Variants in IMMP1L observed in about 807,000 individuals in gnomAD.
IMMP1L encodes mitochondrial inner membrane protease subunit 1.
Under a neutral mutation model 21.8 loss-of-function variants are expected in IMMP1L, and 24 were observed. The observed-to-expected ratio is 1.10, with a 90% CI of 0.80 to 1.55. The LOEUF is 1.55. Ranked by LOEUF, IMMP1L falls within the 40% of genes most tolerant of loss-of-function variation. IMMP1L has a pLI of 0.00. For missense variants in IMMP1L, 195 were observed against 200.7 expected, an observed-to-expected ratio of 0.97 and a Z score of 0.17; for synonymous variants, 46 against 62.8, an observed-to-expected ratio of 0.73 and a Z score of 1.26.
chr11:31,493,240 G>T (rs2133798173), intron 1 of IMMP1L, among the ~76,000 whole-genome samples: 1 of 152,248 alleles, frequency 6.6e-6, no homozygotes, highest in East Asian at 1.9e-4. Flanking sequence ...CAGTTTTGCA[G>T]GGCTGGGGAG....
intron 1 of IMMP1L, among the ~76,000 whole-genome samples, chr11:31,493,398 C>T (rs1198121753): frequency 6.6e-6 from 1 of 152,116 alleles, no homozygotes; most frequent in African/African-American, 2.4e-5. Context: ...ATCACTAGAA[C>T]AGTATGGGGG....
chr11:31,478,942 A>G (rs917762763), intron 1 of IMMP1L, among the ~76,000 whole-genome samples: 1 of 152,076 alleles, frequency 6.6e-6, no homozygotes, highest in African/African-American at 2.4e-5. Flanking sequence ...TTAAATATGT[A>G]CAGAACATTT....
rs1955930203 is a variant in IMMP1L, at chr11:31,509,578, T to C, written c.-89A>G. ...AGGACACAGGTGGGCCTTTCTCACCTGGGCCCCGCCGAAGTCGACCGTCCT... is the reference window on the plus strand; with the variant it reads ...AGGACACAGGTGGGCCTTTCTCACCCGGGCCCCGCCGAAGTCGACCGTCCT... On this transcript the variant is annotated 5_prime_UTR_variant, in exon 1 of 6. Coordinates refer to ENST00000532287, the MANE Select transcript of IMMP1L (RefSeq NM_001304274.2). The C allele has an allele frequency of 3.3e-6, 2 of 603,336 alleles. No homozygotes were observed. The highest frequency in any genetic ancestry group is 2.0e-5 in the South Asian group (1 of 50,254). 37.4% of individuals were successfully genotyped at this position (603,336 alleles called of 1,614,324 possible). A position where few individuals can be genotyped will look rare whatever the true frequency, so the allele number is the denominator to read the frequency against.
At chr11:31,448,892 T>G (rs1198119491) in intron 4 of IMMP1L, 2 of 968,418 alleles carry the variant, frequency 2.1e-6, no homozygotes, top group Non-Finnish European at 2.5e-6. Context: ...AAACAATGAG[T>G]GAAATTTATC....
intron 4 of IMMP1L, chr11:31,452,622 T>G: frequency 2.0e-6 from 2 of 985,936 alleles, no homozygotes; most frequent in Non-Finnish European, 2.4e-6. Flanking sequence ...TATGACAATT[T>G]GTTTCTTTTG....
At chr11:31,473,862 AT>A in intron 1 of IMMP1L, 26 of 337,894 alleles carry the variant, frequency 7.7e-5, no homozygotes, top group South Asian at 1.2e-4. Context: ...ATGTAAATAC[AT>A]TATATATGTA....
intron 4 of IMMP1L, among the ~76,000 whole-genome samples, chr11:31,447,503 G>A (rs1412790890): frequency 3.3e-5 from 5 of 152,216 alleles, no homozygotes; most frequent in Non-Finnish European, 7.3e-5. Flanking sequence ...ACACAAAGTA[G>A]ATGAGAATCT....
intron 1 of IMMP1L, among the ~76,000 whole-genome samples, chr11:31,470,035 T>A (rs1954489819): frequency 6.6e-6 from 1 of 151,892 alleles, no homozygotes; most frequent in Non-Finnish European, 1.5e-5. Flanking sequence ...AGAAAACAAG[T>A]TTTGTGAATG....
intron 1 of IMMP1L, among the ~76,000 whole-genome samples, chr11:31,509,279 C>G (rs1238139773): frequency 6.6e-6 from 1 of 152,106 alleles, no homozygotes. Context: ...GTAAGAGATC[C>G]CATCCTTTCC....
At position 31,475,824 on chromosome 11, in the gene IMMP1L, C is replaced by T. The variant is rs544520210; in HGVS notation, c.-29-12519G>A. ...TTACTTCAGATGAGTTTATTTGAGACGTTCTAAAGAAAATAACCATCTCTA... is the reference window on the plus strand; with the variant it reads ...TTACTTCAGATGAGTTTATTTGAGATGTTCTAAAGAAAATAACCATCTCTA... On this transcript the variant is annotated intron_variant, in intron 1 of 5. Transcript: ENST00000532287. 3.9e-5 allele frequency among the ~76,000 whole-genome samples: 6 copies of T among 152,140 alleles called. No homozygotes were observed. In the East Asian group the frequency reaches 7.7e-4, roughly 20 times the overall value.
intron 4 of IMMP1L, chr11:31,437,167 A>T (rs1414574016): frequency 2.2e-6 from 1 of 450,676 alleles, no homozygotes; most frequent in Admixed American, 2.4e-5. Context: ...AGAGACCAGA[A>T]GTGTTTCAGG....
At chr11:31,482,575 A>G (rs1460303811) in intron 1 of IMMP1L, among the ~76,000 whole-genome samples, 2 of 152,018 alleles carry the variant, frequency 1.3e-5, no homozygotes, top group Non-Finnish European at 2.9e-5. Flanking sequence ...AAATAACCAA[A>G]CAGCCAATAT....
chr11:31,440,379 A>G (rs1344547741), intron 4 of IMMP1L, among the ~76,000 whole-genome samples: 9 of 152,120 alleles, frequency 5.9e-5, no homozygotes. Flanking sequence ...TGTTCAAATT[A>G]CATAATTTAA....
chr11:31,477,435 G>T, intron 1 of IMMP1L: 1 of 529,880 alleles, frequency 1.9e-6, no homozygotes, highest in Non-Finnish European at 2.4e-6. Flanking sequence ...ATAATTTTAA[G>T]TCATATAGCT....
chr11:31,494,985 T>C (rs1466653946), intron 1 of IMMP1L, among the ~76,000 whole-genome samples: 2 of 152,172 alleles, frequency 1.3e-5, no homozygotes, highest in African/African-American at 4.8e-5. Flanking sequence ...TCTTGAATAC[T>C]TCACTGCTTA....
At chr11:31,448,858 T>C (rs1334070682) in intron 4 of IMMP1L, 1 of 800,074 alleles carries the variant, frequency 1.2e-6, no homozygotes. Flanking sequence ...TGTTGACATC[T>C]GAACAAAAAC....
At position 31,440,328 on chromosome 11, in the gene IMMP1L, G is replaced by T. The variant is rs1444270921; in HGVS notation, c.322-6758C>A. Among the ~76,000 whole-genome samples the T allele has an allele frequency of 2.6e-5, 4 of 152,252 alleles. No individual in the cohort carries two copies. The East Asian group carries it at 7.7e-4, about 29-fold the overall frequency. ...TTTTCTAGTTGTTTATGGCAGGAGG[G>T]CAAGTTCATGACCAGTTATTCCATC... On this transcript the variant is annotated intron_variant, in intron 4 of 5. Transcript: ENST00000532287.
intron 1 of IMMP1L, among the ~76,000 whole-genome samples, chr11:31,493,705 T>G (rs1955331453): frequency 6.6e-6 from 1 of 152,182 alleles, no homozygotes; most frequent in African/African-American, 2.4e-5. Context: ...CAAAAGTAAG[T>G]TAGTTACTTC....
chr11:31,478,431 T>A (rs190650614), intron 1 of IMMP1L, among the ~76,000 whole-genome samples: 53 of 152,324 alleles, frequency 3.5e-4, no homozygotes, highest in Non-Finnish European at 1.6e-4. Context: ...GAAATTAACA[T>A]CTTGTTTGCT....
Sources: gnomAD v4.1 joint callset for allele counts (sites outside exome capture counted in the v4.1 genomes callset) on GRCh38, gnomAD v4.1.1 for gene constraint, MANE v1.5 for transcripts, NCBI Gene and HGNC (gene_info 2026-07-23, HGNC 2026-07-21) for gene names.